CCDC158: variants seen among roughly 807,000 people sequenced by gnomAD.
The protein encoded by CCDC158 is coiled-coil domain containing 158, also known as coiled-coil domain-containing protein 158.
In CCDC158, 116 loss-of-function variants were observed where a neutral mutation model predicts 138.6. The ratio of observed to expected loss-of-function variants is 0.84; its 90% CI spans 0.72 to 0.98. The LOEUF (loss-of-function observed/expected upper bound fraction) is 0.98. CCDC158 is among the 50% of genes least tolerant of loss of function. The pLI is 0.00. For synonymous variants in CCDC158, 436 were observed against 442.4 expected, an observed-to-expected ratio of 0.99 and a Z score of 0.18; for missense variants, 1,265 against 1,306.1, an observed-to-expected ratio of 0.97 and a Z score of 0.48.
At chr4:76,368,350 C>A (rs763276269) in intron 11 of CCDC158, among the ~76,000 whole-genome samples, 1 of 152,172 alleles carries the variant, frequency 6.6e-6, no homozygotes, top group Admixed American at 6.5e-5. Flanking sequence ...CTTTTATCCA[C>A]ACACACATTC....
At chr4:76,324,181 T>C (rs901442748) in intron 23 of CCDC158, among the ~76,000 whole-genome samples, 2 of 151,992 alleles carry the variant, frequency 1.3e-5, no homozygotes, top group Non-Finnish European at 2.9e-5. Flanking sequence ...TGAGAAACAG[T>C]TTCTTGGAGA....
chr4:76,363,402 T>G (rs1724348220), intron 12 of CCDC158, among the ~76,000 whole-genome samples: 1 of 152,234 alleles, frequency 6.6e-6, no homozygotes, highest in Admixed American at 6.5e-5. Context: ...TTGCTGATTT[T>G]GCTTTGTATC....
At chr4:76,316,413 A>C (rs574732350) in intron 24 of CCDC158, among the ~76,000 whole-genome samples, 1 of 152,304 alleles carries the variant, frequency 6.6e-6, no homozygotes, top group South Asian at 2.1e-4. Context: ...AAGACAAAGA[A>C]AAAAGAATTT....
Position 76,357,404 on chromosome 4 carries a change from A to G in CCDC158, c.2143T>C (p.Leu715=), listed in dbSNP as rs370674840. The G allele has an allele frequency of 7.5e-6, 12 of 1,590,168 alleles. No homozygotes were observed. The African/African-American group carries it at 1.2e-4, about 16-fold the overall frequency. Residue 715 remains leucine, a synonymous_variant, in exon 14 of 25, where the codon TTA becomes CTA. Coordinates refer to ENST00000682701, the MANE Select transcript of CCDC158 (RefSeq NM_001394954.1). The part of the protein sequence containing the change: ...QSELEQTRNT[L]KSMEGSDGHA... ...CCATCAGATCCTTCCATTGACTTTAATGTATTTCTTGTCTGTTCTAGTTCA... is the reference window on the plus strand; with the variant it reads ...CCATCAGATCCTTCCATTGACTTTAGTGTATTTCTTGTCTGTTCTAGTTCA...
At chr4:76,339,037 C>T (rs1486920236) in intron 18 of CCDC158, among the ~76,000 whole-genome samples, 2 of 152,100 alleles carry the variant, frequency 1.3e-5, no homozygotes, top group Non-Finnish European at 2.9e-5. Flanking sequence ...TTCAAATTCT[C>T]GAAGCCCTCT....
At chr4:76,323,451 A>G (rs762160483) in intron 23 of CCDC158, 42 bp from the exon 24 acceptor site, 1 of 1,407,140 alleles carries the variant, frequency 7.1e-7, no homozygotes, top group Non-Finnish European at 9.7e-7. Flanking sequence ...AAGTCTACTC[A>G]ACATTTCCTT....
At chr4:76,341,495 AT>A (rs1722042121) in intron 18 of CCDC158, among the ~76,000 whole-genome samples, 1 of 152,234 alleles carries the variant, frequency 6.6e-6, no homozygotes, top group Non-Finnish European at 1.5e-5. Flanking sequence ...ATTGCTAAAA[AT>A]CTTGCCCACA....
At chr4:76,414,967 A>G (rs1729577498) in intron 1 of CCDC158, among the ~76,000 whole-genome samples, 1 of 152,216 alleles carries the variant, frequency 6.6e-6, no homozygotes, top group African/African-American at 2.4e-5. Context: ...GGTAACAGGC[A>G]GAGGTTGGAA....
intron 10 of CCDC158, among the ~76,000 whole-genome samples, chr4:76,370,347 G>A (rs1330763896): frequency 6.6e-6 from 1 of 152,186 alleles, no homozygotes; most frequent in Non-Finnish European, 1.5e-5. Flanking sequence ...TAGGAAGAAG[G>A]GACAGGAAAG....
intron 22 of CCDC158, among the ~76,000 whole-genome samples, chr4:76,328,019 C>G (rs967810038): frequency 2.0e-5 from 3 of 152,102 alleles, no homozygotes; most frequent in African/African-American, 7.2e-5. Context: ...TCAGTCACAT[C>G]TATTTTATTT....
At chr4:76,419,369 C>T (rs769783439) in intron 1 of CCDC158, among the ~76,000 whole-genome samples, 5 of 152,112 alleles carry the variant, frequency 3.3e-5, no homozygotes, top group Admixed American at 2.6e-4. Context: ...TTTATGAGCA[C>T]GCTCATATGT....
intron 3 of CCDC158, among the ~76,000 whole-genome samples, chr4:76,398,050 A>G (rs1727989875): frequency 6.6e-6 from 1 of 152,242 alleles, no homozygotes; most frequent in South Asian, 2.1e-4. Flanking sequence ...AATCAAAAAC[A>G]GTAGTGACAG....
At position 76,361,144 on chromosome 4, in the gene CCDC158, G is replaced by T. The variant is rs1322537965; in HGVS notation, c.2020+982C>A. ...TCTCTCTGTCTCTCTCTCTCCTGTT[G>T]CCATGTGAATATGTGCTTGCTTCTC... On this transcript the variant is annotated intron_variant, in intron 13 of 24. Coordinates refer to ENST00000682701, the MANE Select transcript of CCDC158 (RefSeq NM_001394954.1). Among the ~76,000 whole-genome samples the T allele has an allele frequency of 2.4e-4, 36 of 152,140 alleles. 1 individual carries two copies. Among genetic ancestry groups the T allele is most frequent in the Non-Finnish European group, 2.9e-5 (2 of 68,028 alleles).
intron 18 of CCDC158, among the ~76,000 whole-genome samples, chr4:76,343,631 T>A (rs886422303): frequency 6.6e-6 from 1 of 152,034 alleles, no homozygotes; most frequent in African/African-American, 2.4e-5. Context: ...CAAAACCCCA[T>A]CTCTACTAAA....
chr4:76,340,116 G>C (rs980199502), intron 18 of CCDC158, among the ~76,000 whole-genome samples: 1 of 152,186 alleles, frequency 6.6e-6, no homozygotes, highest in South Asian at 2.1e-4. Context: ...TATCACTTCA[G>C]GGGAGAACAA....
intron 1 of CCDC158, among the ~76,000 whole-genome samples, chr4:76,419,663 A>G (rs901012324): frequency 1.3e-5 from 2 of 151,670 alleles, no homozygotes; most frequent in African/African-American, 4.8e-5. Flanking sequence ...GCCTATATCA[A>G]ATCTGCTTCT....
chr4:76,368,539 T>C (rs1724914809), intron 11 of CCDC158, among the ~76,000 whole-genome samples: 1 of 152,176 alleles, frequency 6.6e-6, no homozygotes, highest in Non-Finnish European at 1.5e-5. Flanking sequence ...TGTGGGATGC[T>C]TTTTATGTCC....
intron 21 of CCDC158, 92 bp downstream of exon 21, chr4:76,331,252 C>A: frequency 8.9e-7 from 1 of 1,117,506 alleles, no homozygotes; most frequent in African/African-American, 1.5e-5. Flanking sequence ...TACTGCAGTG[C>A]ATGGCACATT....
intron 3 of CCDC158, among the ~76,000 whole-genome samples, chr4:76,400,449 A>G (rs1728256325): frequency 6.6e-6 from 1 of 151,542 alleles, no homozygotes; most frequent in African/African-American, 2.4e-5. Flanking sequence ...GATATACCTA[A>G]TGTAAATGAC....
Sources: allele counts gnomAD v4.1 joint callset (sites outside exome capture counted in the v4.1 genomes callset), GRCh38; gene constraint gnomAD v4.1.1; transcripts MANE v1.5; gene names NCBI Gene and HGNC (gene_info 2026-07-23, HGNC 2026-07-21).